ZNF746: variants seen among roughly 807,000 people sequenced by gnomAD.
ZNF746 encodes the protein parkin-interacting substrate.
In ZNF746, 13 loss-of-function variants were observed where a neutral mutation model predicts 41.0. That is an observed-to-expected ratio of 0.32 (90% CI 0.21 to 0.50). The LOEUF (loss-of-function observed/expected upper bound fraction) is 0.50. Among genes scored for constraint, ZNF746 ranks in the 20% least tolerant of loss-of-function variants. The probability of loss-of-function intolerance (pLI) is 0.98; values close to 1 mark genes in which losing one functional copy is unlikely to be tolerated. For synonymous variants in ZNF746, 424 were observed against 396.2 expected, an observed-to-expected ratio of 1.07 and a Z score of -0.83; for missense variants, 811 against 922.9, an observed-to-expected ratio of 0.88 and a Z score of 1.57.
chr7:149,481,072 A>C (rs1253212689), intron 4 of ZNF746, among the ~76,000 whole-genome samples: 1 of 152,216 alleles, frequency 6.6e-6, no homozygotes, highest in East Asian at 1.9e-4. Context: ...AGAGACCTAA[A>C]AGCAGGGAAA....
rs988268906 is a variant in ZNF746 at position 149,474,483 on chromosome 7, C to T, written c.1884G>A (p.Lys628=). 45 of 1,610,716 alleles carry T rather than the reference C, an allele frequency of 2.8e-5. No individual in the cohort carries two copies. Among genetic ancestry groups the T allele is most frequent in the Non-Finnish European group, 3.8e-5 (45 of 1,178,550 alleles). ...CCAAAGGTCCTTTGGAGGCGGGGCT[C>T]TTGAAGGGATCAGGAGGTGCGGGCG... is the stretch of plus-strand genomic sequence containing the variant. ...PTPPAPPDPF[K]SPASKGPLAS... is the part of the protein sequence containing the mutation. The change falls in exon 7 of 7, where the codon AAG becomes AAA. Residue 628 remains lysine (K), a synonymous_variant. Transcript: ENST00000458143. The surrounding 1 kb of genome is among the most constrained non-coding windows in gnomAD (Gnocchi z 6.3).
In ZNF746 at chr7:149,494,114, A is replaced by G; in HGVS notation, c.326T>C (p.Val109Ala). The change falls in exon 3 of 7, where the codon GTG becomes GCG. Residue 109 changes from valine (V) to alanine (A), a missense_variant and splice_region_variant. By Grantham distance (64) the Val-to-Ala change is moderately conservative. Around this residue, in one of 4 missense-constraint regions of ZNF746, gnomAD observed 147 missense variants for 233.4 expected, o/e 0.63. Coordinates refer to ENST00000458143, the MANE Select transcript of ZNF746 (RefSeq NM_001394198.1). This position sits in a 1 kb window ranked among gnomAD's most constrained non-coding sequence, Gnocchi z 5.6. Reference protein sequence around the residue: ...PPGSKGESPKVPVTFDDVAVY... With the variant: ...PPGSKGESPKAPVTFDDVAVY... Reference sequence around the variant, plus strand: ...GGCCACATCATCAAAGGTCACGGGCACCTGGAACCACAAGTGTCACACTCG... The same window carrying G: ...GGCCACATCATCAAAGGTCACGGGCGCCTGGAACCACAAGTGTCACACTCG... 1 of 1,614,122 alleles carries G rather than the reference A, an allele frequency of 6.2e-7. No individual in the cohort carries two copies.
intron 4 of ZNF746, among the ~76,000 whole-genome samples, chr7:149,486,044 A>T (rs1276081413): frequency 4.6e-5 from 7 of 152,212 alleles, no homozygotes; most frequent in African/African-American, 1.7e-4. Flanking sequence ...GTCAACAAAA[A>T]ACAACTTAAA....
At position 149,494,104 on chromosome 7, in the gene ZNF746, G is replaced by A; in HGVS notation, c.336C>T (p.Thr112=). Reference sequence around the variant, plus strand: ...AGAAATACACGGCCACATCATCAAAGGTCACGGGCACCTGGAACCACAAGT... The same window carrying A: ...AGAAATACACGGCCACATCATCAAAAGTCACGGGCACCTGGAACCACAAGT... The part of the protein sequence containing the change: ...SKGESPKVPV[T]FDDVAVYFSE... The change falls in exon 3 of 7, where the codon ACC becomes ACT. Residue 112 remains threonine, a synonymous_variant. Coordinates refer to ENST00000458143, the MANE Select transcript of ZNF746 (RefSeq NM_001394198.1). The surrounding 1 kb of genome is among the most constrained non-coding windows in gnomAD (Gnocchi z 5.6). 6.2e-7 allele frequency: 1 copy of A among 1,614,142 alleles called. No homozygotes were observed. Among genetic ancestry groups the A allele is most frequent in the Non-Finnish European group, 8.5e-7 (1 of 1,180,032 alleles).
At position 149,476,313 on chromosome 7, in the gene ZNF746, C is replaced by CAA. The variant is rs55888950; in HGVS notation, c.883+607_883+608dup. ...TGGGGGACAGAGTGAGACTCCGCCT[C>CAA]AAAAAAAAAAAAAAAAAAAAAAAAA... On this transcript the variant is annotated intron_variant, in intron 6 of 6. Transcript: ENST00000458143. Among the ~76,000 whole-genome samples, 378 of 63,320 alleles carry CAA rather than the reference C, an allele frequency of 6.0e-3. 26 individuals carry two copies. Among genetic ancestry groups the CAA allele is most frequent in the East Asian group, 0.021 (47 of 2,234 alleles). 41.5% of individuals were successfully genotyped at this position (63,320 alleles called of 152,430 possible).
At chr7:149,486,439 A>C (rs909056461) in intron 4 of ZNF746, among the ~76,000 whole-genome samples, 1 of 152,060 alleles carries the variant, frequency 6.6e-6, no homozygotes, top group Non-Finnish European at 1.5e-5. Context: ...AAGAAAAGAG[A>C]CAACACAAGC....
intron 6 of ZNF746, among the ~76,000 whole-genome samples, chr7:149,475,793 G>A (rs115778025): frequency 9.6e-4 from 146 of 152,334 alleles, no homozygotes; most frequent in African/African-American, 3.4e-3. Flanking sequence ...AACTGCTGCA[G>A]GCACTGTGCC....
At chr7:149,490,464 A>C (rs1800763824) in intron 4 of ZNF746, 1 of 152,380 alleles carries the variant, frequency 6.6e-6, no homozygotes, top group South Asian at 2.1e-4. Flanking sequence ...TGAACAAAAC[A>C]GGGGCAAGAG....
intron 4 of ZNF746, among the ~76,000 whole-genome samples, chr7:149,485,121 T>C (rs1436866822): frequency 7.9e-6 from 1 of 127,124 alleles, no homozygotes; most frequent in Non-Finnish European, 1.7e-5. Flanking sequence ...AAATGCAAGT[T>C]AAAAAAAGAT....
At chr7:149,481,096 T>G (rs1264299305) in intron 4 of ZNF746, among the ~76,000 whole-genome samples, 4 of 152,096 alleles carry the variant, frequency 2.6e-5, no homozygotes, top group African/African-American at 9.7e-5. Context: ...AAAATGCAGA[T>G]CATCCACAAA....
chr7:149,490,257 G>A (rs545221460), intron 4 of ZNF746: 12 of 152,362 alleles, frequency 7.9e-5, no homozygotes, highest in African/African-American at 2.9e-4. Context: ...AGATGAGCTA[G>A]GTTTGGCCCT....
rs771620014 is a variant in ZNF746 at position 149,475,494 on chromosome 7, CAG to C, written c.884-13_884-12del. The C allele has an allele frequency of 1.2e-6, 2 of 1,606,670 alleles. No individual in the cohort carries two copies. Among genetic ancestry groups the C allele is most frequent in the Non-Finnish European group, 1.7e-6 (2 of 1,175,604 alleles). On this transcript the variant is annotated splice_polypyrimidine_tract_variant and intron_variant, in intron 6 of 6. Transcript: ENST00000458143. ...CAATTTTTACATCTGCTGAGAAAGA[CAG>C]AAAGACAGATACTGACCTGTCCCTT... is the stretch of plus-strand genomic sequence containing the variant.
At chr7:149,477,484 C>T (rs1473507617) in intron 5 of ZNF746, 80 bp downstream of exon 5, 1 of 1,468,770 alleles carries the variant, frequency 6.8e-7, no homozygotes, top group East Asian at 2.3e-5. Flanking sequence ...CCACAGCTCC[C>T]CCATGCTGCC....
intron 4 of ZNF746, among the ~76,000 whole-genome samples, chr7:149,486,372 A>G (rs1800622697): frequency 6.6e-6 from 1 of 150,694 alleles, no homozygotes; most frequent in Non-Finnish European, 1.5e-5. Context: ...ATCTACACCT[A>G]CAGAAGCTTT....
At chr7:149,477,819 A>T (rs1800363115) in intron 4 of ZNF746, 64 bp from the exon 5 acceptor site, 15 of 1,379,756 alleles carry the variant, frequency 1.1e-5, no homozygotes, top group Non-Finnish European at 1.4e-5. Context: ...GCATACACGC[A>T]TCCAGCCGGA....
chr7:149,480,589 T>C (rs10952814), intron 4 of ZNF746, among the ~76,000 whole-genome samples: 101,089 of 151,656 alleles, frequency 0.67, 34,112 homozygotes, highest in East Asian at 0.81. Flanking sequence ...TGCATGCCTC[T>C]AGGCCCAGCT....
intron 4 of ZNF746, chr7:149,490,974 C>A (rs181630259): frequency 1.6e-3 from 246 of 152,510 alleles, no homozygotes; most frequent in Non-Finnish European, 3.0e-3. Flanking sequence ...GGCTGCAGTC[C>A]CCTGGAGCTC....
At chr7:149,492,264 TGAG>T (rs1800830618) in intron 4 of ZNF746, among the ~76,000 whole-genome samples, 1 of 152,314 alleles carries the variant, frequency 6.6e-6, no homozygotes, top group Non-Finnish European at 1.5e-5. Flanking sequence ...AAGAAGACAA[TGAG>T]GAGGATGACC....
chr7:149,493,752 G>T (rs1800890032), intron 3 of ZNF746, among the ~76,000 whole-genome samples: 1 of 152,210 alleles, frequency 6.6e-6, no homozygotes, highest in African/African-American at 2.4e-5. Flanking sequence ...TCCCGGGCCT[G>T]CGTAGGAGAG....
Sources: allele counts gnomAD v4.1 joint callset (sites outside exome capture counted in the v4.1 genomes callset), GRCh38; gene constraint gnomAD v4.1.1; regional missense constraint gnomAD v4.1.1; non-coding constraint Gnocchi (gnomAD v3.1); transcripts MANE v1.5; gene names NCBI Gene and HGNC (gene_info 2026-07-23, HGNC 2026-07-21).